The following EPHB4 variants were observed in gnomAD, a reference collection of about 807,000 sequenced individuals.
EPHB4 encodes EPH receptor B4, also known as ephrin type-B receptor 4.
EPHB4 carries 50 observed loss-of-function variants against 110.6 expected under a neutral mutation model. The ratio of observed to expected loss-of-function variants is 0.45; its 90% CI spans 0.36 to 0.57. The LOEUF is 0.57. Among genes scored for constraint, EPHB4 ranks in the 20% least tolerant of loss-of-function variants. The pLI, the probability that EPHB4 is intolerant of heterozygous loss-of-function variation, is 0.00. For synonymous variants in EPHB4, 592 were observed against 578.4 expected, an observed-to-expected ratio of 1.02 and a Z score of -0.34; for missense variants, 1,128 against 1,382.1, an observed-to-expected ratio of 0.82 and a Z score of 2.91.
intron 8 of EPHB4, among the ~76,000 whole-genome samples, chr7:100,814,351 T>C (rs1336691387): frequency 6.6e-6 from 1 of 152,188 alleles, no homozygotes; most frequent in East Asian, 1.9e-4. Context: ...CAATCTCAGC[T>C]CACTGCAATC....
chr7:100,820,280 G>A lies in EPHB4; in HGVS notation c.825C>T (p.Thr275=), dbSNP rs755054849. Residue 275 remains threonine (T), a synonymous_variant, in exon 5 of 17, where the codon ACC becomes ACT. Transcript: ENST00000358173. The part of the protein sequence containing the change: ...NTKCRACAQG[T]FKPLSGEGSC... ...ACCCTTCTCCTGACAGGGGCTTGAAGGTGCCCTGGGCACAGGCTGAGAGAG... is the reference window on the plus strand; with the variant it reads ...ACCCTTCTCCTGACAGGGGCTTGAAAGTGCCCTGGGCACAGGCTGAGAGAG... 1 of 1,613,922 alleles carries A rather than the reference G, an allele frequency of 6.2e-7. No individual in the cohort carries two copies. Among genetic ancestry groups the A allele is most frequent in the Non-Finnish European group, 8.5e-7 (1 of 1,179,990 alleles).
chr7:100,820,455 A>C, intron 4 of EPHB4, 159 bp from the exon 5 acceptor site: 1 of 579,658 alleles, frequency 1.7e-6, no homozygotes, highest in Non-Finnish European at 2.5e-6. Context: ...ACATATCGAG[A>C]TCCCATCTCC....
intron 11 of EPHB4, 31 bp from the exon 12 acceptor site, chr7:100,813,025 C>G: frequency 1.2e-6 from 2 of 1,612,420 alleles, no homozygotes; most frequent in South Asian, 2.2e-5. Context: ...GTCATCAGCT[C>G]TCCCGCTCCA....
At chr7:100,810,181 C>T (rs144526279) in intron 12 of EPHB4, among the ~76,000 whole-genome samples, 13,647 of 152,078 alleles carry the variant, frequency 0.09, 669 homozygotes, top group African/African-American at 0.13. Context: ...ACCCAGGAGG[C>T]GGAGGTTGCA....
In EPHB4 at chr7:100,824,106, CAG is replaced by C. The variant is rs1306710582; in HGVS notation, c.123+95_123+96del. Reference sequence around the variant, plus strand: ...CTGGGGCTGCTGTCATCTGGGGGGACAGGGGAGAGGAGTGGCACACAGAAAGC... The same window carrying C: ...CTGGGGCTGCTGTCATCTGGGGGGACGGGAGAGGAGTGGCACACAGAAAGC... On this transcript the variant is annotated intron_variant, in intron 2 of 16. Transcript: ENST00000358173. 1.2e-5 allele frequency: 19 copies of C among 1,567,706 alleles called. No homozygotes were observed. In the East Asian group the frequency reaches 1.3e-4, roughly 11 times the overall value.
intron 8 of EPHB4, among the ~76,000 whole-genome samples, chr7:100,815,190 G>A (rs1205552504): frequency 6.6e-6 from 1 of 152,028 alleles, no homozygotes; most frequent in African/African-American, 2.4e-5. Flanking sequence ...GGGCATGGTG[G>A]CTCATGCCTA....
At position 100,802,688 on chromosome 7, in the gene EPHB4, C is replaced by G. The variant is rs1465765341; in HGVS notation, c.*773G>C. ...TCTGGGTTCCACCACCAACTACCGC[C>G]CTTTTCACTACCTCACCCCACACCC... On this transcript the variant is annotated 3_prime_UTR_variant, in exon 17 of 17. Transcript: ENST00000358173. The G allele has an allele frequency of 1.3e-5, 2 of 152,220 alleles. No individual in the cohort carries two copies. The highest frequency in any genetic ancestry group is 3.9e-4 in the East Asian group (2 of 5,192). The allele number at this position is 152,220 out of a possible 1,614,324, so 9.4% of individuals were successfully genotyped here.
In EPHB4 at chr7:100,822,782, T is replaced by C; in HGVS notation, c.412-115A>G. On this transcript the variant is annotated intron_variant, in intron 3 of 16. Transcript: ENST00000358173. This position sits in a 1 kb window ranked among gnomAD's most constrained non-coding sequence, Gnocchi z 4.7. ...CCTCCTTGGTTCCCGTTCCAGAATC[T>C]TCCCTCCACCTTCCCCAGGGCACAC... is the stretch of plus-strand genomic sequence containing the variant. 1 of 1,399,406 alleles carries C rather than the reference T, an allele frequency of 7.1e-7. No individual in the cohort carries two copies. The highest frequency in any genetic ancestry group is 9.4e-7 in the Non-Finnish European group (1 of 1,068,306). 86.7% of individuals were successfully genotyped at this position (1,399,406 alleles called of 1,614,324 possible).
At chr7:100,824,555 G>A (rs551829456) in intron 1 of EPHB4, 5 of 429,368 alleles carry the variant, frequency 1.2e-5, no homozygotes, top group South Asian at 5.7e-5. Flanking sequence ...TGTACGGGGA[G>A]AAGGGGCGGC....
Position 100,823,859 on chromosome 7 carries a change from C to T in EPHB4, c.196G>A (p.Ala66Thr). The T allele has an allele frequency of 6.2e-7, 1 of 1,612,534 alleles. No individual in the cohort carries two copies. Among genetic ancestry groups the T allele is most frequent in the African/African-American group, 1.3e-5 (1 of 75,054 alleles). Residue 66 changes from alanine to threonine, a missense_variant, in exon 3 of 17, where the codon GCC becomes ACC. By Grantham distance (58) the Ala-to-Thr change is moderately conservative. This residue lies in a region of EPHB4 where 728 missense variants were observed against 828.6 expected (regional missense o/e 0.88). Transcript: ENST00000358173. Reference sequence around the variant, plus strand: ...CGAAGCCAGTGGGCCTGGCCCGGGGCACGCTGCACGTCACACACTTCGTAG... The same window carrying T: ...CGAAGCCAGTGGGCCTGGCCCGGGGTACGCTGCACGTCACACACTTCGTAG... ...RTYEVCDVQR[A>T]PGQAHWLRTG...
chr7:100,812,528 G>A (rs1022097229), intron 12 of EPHB4, among the ~76,000 whole-genome samples: 1 of 152,128 alleles, frequency 6.6e-6, no homozygotes, highest in African/African-American at 2.4e-5. Flanking sequence ...GGTGGAGACA[G>A]CAATGAGCCG....
chr7:100,820,467 A>AAAC, intron 4 of EPHB4, 171 bp from the exon 5 acceptor site: 1 of 416,536 alleles, frequency 2.4e-6, no homozygotes, highest in Non-Finnish European at 3.8e-6. Flanking sequence ...CCCATCTCCA[A>AAAC]AAAAAAAAAA....
intron 7 of EPHB4, among the ~76,000 whole-genome samples, chr7:100,818,118 C>T (rs749274806): frequency 6.6e-6 from 1 of 151,984 alleles, no homozygotes. Context: ...CCGCCCACCT[C>T]GGCCTCCCAA....
intron 14 of EPHB4, 128 bp from the exon 15 acceptor site, chr7:100,805,822 A>G (rs1267453455): frequency 1.1e-6 from 1 of 933,784 alleles, no homozygotes; most frequent in African/African-American, 1.7e-5. Flanking sequence ...TAACAGATCC[A>G]GGAATCCTCC....
intron 2 of EPHB4, 94 bp downstream of exon 2, chr7:100,824,109 G>T: frequency 1.3e-6 from 2 of 1,571,014 alleles, no homozygotes; most frequent in South Asian, 2.2e-5. Flanking sequence ...GGGGGGACAG[G>T]GGAGAGGAGT....
At chr7:100,819,174 G>A (rs1054757650) in intron 6 of EPHB4, among the ~76,000 whole-genome samples, 2 of 152,092 alleles carry the variant, frequency 1.3e-5, no homozygotes, top group African/African-American at 4.8e-5. Flanking sequence ...ATGCAGCGGT[G>A]CGATCATAGC....
Position 100,813,647 on chromosome 7 carries a change from C to G in EPHB4, c.1756+5G>C. On this transcript the variant is annotated splice_donor_5th_base_variant and intron_variant, in intron 10 of 16. Coordinates refer to ENST00000358173, the MANE Select transcript of EPHB4 (RefSeq NM_004444.5). ...CCCTATTCCCATCAAATTAGGGCAA[C>G]CCACCATGTCCGATGAGATACTGTC... 1 of 1,613,936 alleles carries G rather than the reference C, an allele frequency of 6.2e-7. No homozygotes were observed. The highest frequency in any genetic ancestry group is 8.5e-7 in the Non-Finnish European group (1 of 1,179,966).
chr7:100,817,859 G>T (rs1341346671), intron 7 of EPHB4, among the ~76,000 whole-genome samples: 55 of 47,102 alleles, frequency 1.2e-3, no homozygotes, highest in Admixed American at 3.0e-3. Context: ...TATTTTTTGC[G>T]TTTTTTTTTT....
intron 12 of EPHB4, among the ~76,000 whole-genome samples, chr7:100,808,582 T>C (rs1013733818): frequency 6.6e-6 from 1 of 152,156 alleles, no homozygotes; most frequent in Non-Finnish European, 1.5e-5. Flanking sequence ...TTCAGCTCTC[T>C]TGGACTAGCT....
Sources: allele counts gnomAD v4.1 joint callset (sites outside exome capture counted in the v4.1 genomes callset), GRCh38; gene constraint gnomAD v4.1.1; regional missense constraint gnomAD v4.1.1; non-coding constraint Gnocchi (gnomAD v3.1); transcripts MANE v1.5; gene names NCBI Gene and HGNC (gene_info 2026-07-23, HGNC 2026-07-21).